The following COLGALT2 variants were observed in gnomAD, a reference collection of about 807,000 sequenced individuals.
The protein encoded by COLGALT2 is procollagen galactosyltransferase 2.
Under a neutral mutation model 73.4 loss-of-function variants are expected in COLGALT2, and 49 were observed. The observed-to-expected ratio is 0.67, with a 90% confidence interval of 0.53 to 0.85. The LOEUF is 0.85. Among genes scored for constraint, COLGALT2 ranks in the 40% least tolerant of loss-of-function variants. The probability of loss-of-function intolerance (pLI) is 0.00; values close to 1 mark genes in which losing one functional copy is unlikely to be tolerated. For synonymous variants in COLGALT2, 295 were observed against 307.6 expected (o/e 0.96, Z 0.43); for missense variants, 722 against 790.2 (o/e 0.91, Z 1.03).
chr1:183,930,356 A>G (rs1669815281), intron 11 of COLGALT2: 2 of 453,012 alleles, frequency 4.4e-6, no homozygotes, highest in Admixed American at 2.4e-5. Flanking sequence ...AGAAAGAACA[A>G]TTTAATTTTG....
At chr1:183,948,630 G>A (rs375452972) in intron 8 of COLGALT2, among the ~76,000 whole-genome samples, 2 of 152,120 alleles carry the variant, frequency 1.3e-5, no homozygotes, top group Non-Finnish European at 2.9e-5. Flanking sequence ...TAGCAGTGAC[G>A]GACTGAATGC....
At chr1:183,994,939 G>C (rs745831991) in intron 1 of COLGALT2, among the ~76,000 whole-genome samples, 5 of 152,144 alleles carry the variant, frequency 3.3e-5, no homozygotes, top group African/African-American at 4.8e-5. Context: ...AGATAAATTA[G>C]ATTTTATCCA....
At chr1:183,969,214 G>C in intron 5 of COLGALT2, 55 bp downstream of exon 5, 1 of 1,423,498 alleles carries the variant, frequency 7.0e-7, no homozygotes, top group African/African-American at 1.4e-5. Context: ...AAACAAAGGA[G>C]CTGGTCATTT....
At chr1:183,958,348 T>C (rs1053519393) in intron 6 of COLGALT2, among the ~76,000 whole-genome samples, 2 of 152,158 alleles carry the variant, frequency 1.3e-5, no homozygotes, top group African/African-American at 4.8e-5. Flanking sequence ...CATTGCCCAC[T>C]TACTCAGCAC....
At chr1:183,948,067 C>T (rs1670297144) in intron 8 of COLGALT2, among the ~76,000 whole-genome samples, 1 of 151,650 alleles carries the variant, frequency 6.6e-6, no homozygotes, top group Non-Finnish European at 1.5e-5. Flanking sequence ...AAATAAATAA[C>T]AAGAAAAGAA....
Position 183,945,573 on chromosome 1 carries a change from C to T in COLGALT2, c.1137-9G>A. 6.2e-7 allele frequency: 1 copy of T among 1,613,738 alleles called. No homozygotes were observed. Among genetic ancestry groups the T allele is most frequent in the South Asian group, 1.1e-5 (1 of 91,016 alleles). ...GGCTTGTGTTGAGTGCCCTGCATCACATAAAACACGTCTGGAGATTAACAA... is the reference window on the plus strand; with the variant it reads ...GGCTTGTGTTGAGTGCCCTGCATCATATAAAACACGTCTGGAGATTAACAA... On this transcript the variant is annotated splice_polypyrimidine_tract_variant and intron_variant, in intron 8 of 11. Coordinates refer to ENST00000361927, the MANE Select transcript of COLGALT2 (RefSeq NM_015101.4).
At chr1:183,994,897 T>G (rs1378799697) in intron 1 of COLGALT2, among the ~76,000 whole-genome samples, 1 of 152,122 alleles carries the variant, frequency 6.6e-6, no homozygotes, top group African/African-American at 2.4e-5. Flanking sequence ...AAATAGAAAA[T>G]AAAGCCAAAT....
chr1:184,006,916 C>T (rs1672101295), intron 1 of COLGALT2, among the ~76,000 whole-genome samples: 1 of 152,232 alleles, frequency 6.6e-6, no homozygotes, highest in African/African-American at 2.4e-5. Context: ...TTAGACCAGT[C>T]AGTAGATGCC....
chr1:183,982,145 A>G (rs12023778), intron 1 of COLGALT2, among the ~76,000 whole-genome samples: 14,191 of 152,184 alleles, frequency 0.093, 1,041 homozygotes, highest in East Asian at 0.41. Context: ...AACGACCCAC[A>G]GGCCCACCTG....
chr1:183,937,645 G>T lies in COLGALT2; in HGVS notation c.*1116C>A. 1.0e-6 allele frequency: 1 copy of T among 985,396 alleles called. No homozygotes were observed. The highest frequency in any genetic ancestry group is 1.2e-6 in the Non-Finnish European group (1 of 829,954). 61.0% of individuals were successfully genotyped at this position (985,396 alleles called of 1,614,324 possible). ...AAGAGCCTGGCTGGGAAATTCAGGA[G>T]AATCAGATTGCCGAACCAATGTGTC... On this transcript the variant is annotated 3_prime_UTR_variant, in exon 12 of 12. Transcript: ENST00000361927.
chr1:183,945,561 T>C lies in COLGALT2; in HGVS notation c.1140A>G (p.Ala380=), dbSNP rs1670227143. Residue 380 remains alanine, a synonymous_variant, in exon 9 of 12, where the codon GCA becomes GCG. Transcript: ENST00000361927. ...VKIVEAVDGK[A]LNTSQLKALN... is the part of the protein sequence containing the mutation. The stretch of plus-strand genomic sequence containing the variant: ...GTGCCTTCAGCTGGCTTGTGTTGAG[T>C]GCCCTGCATCACATAAAACACGTCT... 6.2e-7 allele frequency: 1 copy of C among 1,614,020 alleles called. No homozygotes were observed. Among genetic ancestry groups the C allele is most frequent in the Non-Finnish European group, 8.5e-7 (1 of 1,179,988 alleles).
intron 1 of COLGALT2, among the ~76,000 whole-genome samples, chr1:184,028,995 T>C (rs1215344791): frequency 3.9e-5 from 6 of 152,222 alleles, no homozygotes; most frequent in African/African-American, 1.4e-4. Flanking sequence ...CCTAGCAAGA[T>C]GTCATGGAGC....
downstream of COLGALT2, among the ~76,000 whole-genome samples, chr1:183,932,733 G>A (rs889073155): frequency 2.0e-5 from 3 of 152,154 alleles, no homozygotes; most frequent in South Asian, 2.1e-4. Flanking sequence ...CTCGCTGGAC[G>A]GGCTGTGACA....
intron 10 of COLGALT2, 95 bp downstream of exon 10, chr1:183,944,101 G>A (rs1670184593): frequency 7.4e-7 from 1 of 1,347,658 alleles, no homozygotes. Context: ...AGCTTAAGCT[G>A]TATCTCCTAC....
chr1:184,023,662 C>T (rs1461324821), intron 1 of COLGALT2, among the ~76,000 whole-genome samples: 2 of 151,026 alleles, frequency 1.3e-5, no homozygotes, highest in East Asian at 2.0e-4. Flanking sequence ...GGGGCGGTGC[C>T]GGAAGCATTC....
intron 1 of COLGALT2, among the ~76,000 whole-genome samples, chr1:183,992,946 A>G (rs1400816207): frequency 6.6e-6 from 1 of 152,202 alleles, no homozygotes; most frequent in African/African-American, 2.4e-5. Flanking sequence ...TATAAGCTCC[A>G]TGAGGGCAGG....
At chr1:183,955,212 G>A (rs1453123252) in intron 6 of COLGALT2, among the ~76,000 whole-genome samples, 1 of 152,150 alleles carries the variant, frequency 6.6e-6, no homozygotes, top group Non-Finnish European at 1.5e-5. Context: ...CATTTCTTTG[G>A]TGTAAAATTG....
At chr1:184,007,657 T>C (rs1348491383) in intron 1 of COLGALT2, among the ~76,000 whole-genome samples, 10 of 152,206 alleles carry the variant, frequency 6.6e-5, no homozygotes, top group Non-Finnish European at 1.2e-4. Flanking sequence ...ATAGGGCACA[T>C]TTCCTGGGGA....
At chr1:183,951,527 A>G (rs919460444) in intron 7 of COLGALT2, among the ~76,000 whole-genome samples, 6 of 152,236 alleles carry the variant, frequency 3.9e-5, no homozygotes, top group Admixed American at 2.6e-4. Flanking sequence ...TCAACGCACA[A>G]AAATCATTAG....
Sources: gnomAD v4.1 joint callset for allele counts (sites outside exome capture counted in the v4.1 genomes callset) on GRCh38, gnomAD v4.1.1 for gene constraint, MANE v1.5 for transcripts, NCBI Gene and HGNC (gene_info 2026-07-23, HGNC 2026-07-21) for gene names.